The following ALDH1L2 variants were observed in gnomAD, a reference collection of about 807,000 sequenced individuals.
ALDH1L2 encodes aldehyde dehydrogenase 1 family member L2, also known as mitochondrial 10-formyltetrahydrofolate dehydrogenase.
Under a neutral mutation model 111.0 loss-of-function variants are expected in ALDH1L2, and 91 were observed. The observed-to-expected ratio is 0.82, with a 90% CI of 0.69 to 0.98. ALDH1L2 has a LOEUF of 0.98. Among genes scored for constraint, ALDH1L2 ranks in the 50% least tolerant of loss-of-function variants. The probability of loss-of-function intolerance (pLI) is 0.00; values close to 1 mark genes in which losing one functional copy is unlikely to be tolerated. For missense variants in ALDH1L2, 995 were observed against 1,126.8 expected, an observed-to-expected ratio of 0.88 and a Z score of 1.67; for synonymous variants, 374 against 392.6, an observed-to-expected ratio of 0.95 and a Z score of 0.56.
chr12:105,038,240 CA>C (rs1565953175), intron 17 of ALDH1L2, 38 bp from the exon 18 acceptor site: 4 of 1,064,428 alleles, frequency 3.8e-6, no homozygotes, highest in Non-Finnish European at 5.5e-6. Flanking sequence ...ATTTAGTTAA[CA>C]TCTCTCTCTC....
At chr12:105,037,720 A>G (rs1483773003) in intron 18 of ALDH1L2, among the ~76,000 whole-genome samples, 1 of 152,162 alleles carries the variant, frequency 6.6e-6, no homozygotes, top group Non-Finnish European at 1.5e-5. Flanking sequence ...AAGATCTCTG[A>G]TAAAAAAGGA....
intron 1 of ALDH1L2, among the ~76,000 whole-genome samples, chr12:105,083,621 AT>A (rs151228266): frequency 2.2e-4 from 30 of 138,004 alleles, no homozygotes; most frequent in Non-Finnish European, 1.6e-4. Flanking sequence ...GACAGTTTTT[AT>A]TTTTTTTTTT....
chr12:105,026,492 T>A, intron 22 of ALDH1L2, 53 bp downstream of exon 22: 1 of 1,600,130 alleles, frequency 6.2e-7, no homozygotes, highest in Non-Finnish European at 8.5e-7. Context: ...TAGAGCAGAT[T>A]TTTCTGTGAT....
At chr12:105,030,936 TA>T (rs140625822) in intron 20 of ALDH1L2, among the ~76,000 whole-genome samples, 32 of 152,348 alleles carry the variant, frequency 2.1e-4, no homozygotes, top group African/African-American at 7.2e-4. Context: ...CTACACATTG[TA>T]TTTGGTGTTT....
rs776161082 is a variant in ALDH1L2, at chr12:105,046,929, T to C, written c.1727A>G (p.Asn576Ser). 41 of 1,614,198 alleles carry C rather than the reference T, an allele frequency of 2.5e-5. No individual in the cohort carries two copies. The East Asian group carries it at 8.7e-4, about 34-fold the overall frequency. The change falls in exon 14 of 23, where the codon AAT becomes AGT. Residue 576 changes from asparagine to serine, a missense_variant. Coordinates refer to ENST00000258494, the MANE Select transcript of ALDH1L2 (RefSeq NM_001034173.4). ...IPINQARPNR[N>S]LTFTKKEPLG... ...TGGCTCTTTCTTGGTGAAGGTCAGA[T>C]TGCGATTTGGACGGGCCTGGTTGAT...
At chr12:105,062,819 C>G in intron 7 of ALDH1L2, 69 bp downstream of exon 7, 2 of 1,539,398 alleles carry the variant, frequency 1.3e-6, no homozygotes, top group Admixed American at 3.8e-5. Context: ...GAAAGCTATT[C>G]CCTTAATAGC....
At chr12:105,070,184 T>C (rs1877594835) in intron 3 of ALDH1L2, among the ~76,000 whole-genome samples, 1 of 152,200 alleles carries the variant, frequency 6.6e-6, no homozygotes, top group South Asian at 2.1e-4. Flanking sequence ...AAACCTTTGT[T>C]TGCTCAATAC....
At chr12:105,061,846 T>G in intron 7 of ALDH1L2, 94 bp from the exon 8 acceptor site, 2 of 1,417,168 alleles carry the variant, frequency 1.4e-6, no homozygotes, top group Non-Finnish European at 1.9e-6. Context: ...TATATGCATA[T>G]AAGGGCAAGT....
chr12:105,046,354 A>C (rs1875915606), intron 15 of ALDH1L2, among the ~76,000 whole-genome samples: 1 of 147,782 alleles, frequency 6.8e-6, no homozygotes. Context: ...ATTAAGTTTG[A>C]ATACCTGCAT....
chr12:105,080,852 T>G (rs142990812), intron 1 of ALDH1L2, among the ~76,000 whole-genome samples: 1 of 152,228 alleles, frequency 6.6e-6, no homozygotes, highest in Non-Finnish European at 1.5e-5. Context: ...ACCTACTTCA[T>G]TGAGATATCA....
At chr12:105,060,741 T>A (rs1592793456) in intron 9 of ALDH1L2, 1 of 253,626 alleles carries the variant, frequency 3.9e-6, no homozygotes, top group East Asian at 8.0e-5. Flanking sequence ...GGAGAATCAC[T>A]TGAACCTGGG....
chr12:105,042,086 C>CAT (rs1875570436), intron 15 of ALDH1L2, among the ~76,000 whole-genome samples: 1 of 151,896 alleles, frequency 6.6e-6, no homozygotes, highest in African/African-American at 2.4e-5. Context: ...ACACAACACA[C>CAT]ACACACACGT....
chr12:105,063,703 G>A (rs1026372507), intron 6 of ALDH1L2, among the ~76,000 whole-genome samples: 2 of 152,088 alleles, frequency 1.3e-5, no homozygotes, highest in African/African-American at 4.8e-5. Flanking sequence ...GTCAATGATG[G>A]GCAATGCACA....
In ALDH1L2 at chr12:105,052,073, AT is replaced by A. The variant is rs769472919; in HGVS notation, c.1535+16del. 2 of 1,566,942 alleles carry A rather than the reference AT, an allele frequency of 1.3e-6. No homozygotes were observed. The highest frequency in any genetic ancestry group is 1.2e-5 in the South Asian group (1 of 82,872). ...AGTTACTTTTCTAAAAAATAAAAAA[AT>A]AAAAAATAGAAATACCTATACATCA... On this transcript the variant is annotated intron_variant, in intron 12 of 22. Coordinates refer to ENST00000258494, the MANE Select transcript of ALDH1L2 (RefSeq NM_001034173.4).
In ALDH1L2 at chr12:105,036,402, TTA is replaced by T. The variant is rs60071258; in HGVS notation, c.2145+1699_2145+1700del. ...GTATATTTATATATGTGTATATATATTATATATATACGTATATTTATATATGT... is the reference window on the plus strand; with the variant it reads ...GTATATTTATATATGTGTATATATATTATATATACGTATATTTATATATGT... On this transcript the variant is annotated intron_variant, in intron 18 of 22. Transcript: ENST00000258494. Among the ~76,000 whole-genome samples, 8 of 67,342 alleles carry T rather than the reference TTA, an allele frequency of 1.2e-4. 1 individual carries two copies. Among genetic ancestry groups the T allele is most frequent in the Admixed American group, 1.7e-4 (1 of 5,860 alleles). 44.2% of individuals were successfully genotyped at this position (67,342 alleles called of 152,430 possible).
intron 16 of ALDH1L2, among the ~76,000 whole-genome samples, chr12:105,040,148 A>C (rs7133800): frequency 0.18 from 24,885 of 135,222 alleles, 2,697 homozygotes; most frequent in South Asian, 0.39. Context: ...AAAAAAAAAA[A>C]AAAACCTTAC....
At chr12:105,060,693 G>A (rs558007685) in intron 9 of ALDH1L2, 230 of 216,652 alleles carry the variant, frequency 1.1e-3, no homozygotes, top group African/African-American at 4.9e-3. Flanking sequence ...GCGTGGTGGC[G>A]CATGCCTGTA....
intron 11 of ALDH1L2, 114 bp downstream of exon 11, chr12:105,052,698 C>T (rs538274496): frequency 7.6e-7 from 1 of 1,313,534 alleles, no homozygotes; most frequent in African/African-American, 1.5e-5. Context: ...GTGTGAAGTA[C>T]TTAGAGGCAG....
chr12:105,063,715 T>C (rs1877160214), intron 6 of ALDH1L2, among the ~76,000 whole-genome samples: 1 of 152,042 alleles, frequency 6.6e-6, no homozygotes, highest in Admixed American at 6.5e-5. Flanking sequence ...CAATGCACAG[T>C]GGTCACCAGA....
Sources: gnomAD v4.1 joint callset for allele counts (sites outside exome capture counted in the v4.1 genomes callset) on GRCh38, gnomAD v4.1.1 for gene constraint, MANE v1.5 for transcripts, NCBI Gene and HGNC (gene_info 2026-07-23, HGNC 2026-07-21) for gene names.